The following C5 variants were observed in gnomAD, a reference collection of about 807,000 sequenced individuals.
The protein encoded by C5 is C3 and PZP-like alpha-2-macroglobulin domain-containing protein 4.
Under a neutral mutation model 218.8 loss-of-function variants are expected in C5, and 140 were observed. That is an observed-to-expected ratio of 0.64 (90% confidence interval 0.56 to 0.74). The LOEUF is 0.74. C5 is among the 30% of genes least tolerant of loss of function. C5 has a pLI of 0.00. For synonymous variants in C5, 614 were observed against 682.3 expected (o/e 0.90, Z 1.56); for missense variants, 1,700 against 1,969.6 (o/e 0.86, Z 2.59).
At chr9:120,996,783 G>A (rs2047119723) in intron 21 of C5, among the ~76,000 whole-genome samples, 1 of 152,232 alleles carries the variant, frequency 6.6e-6, no homozygotes, top group Non-Finnish European at 1.5e-5. Context: ...GTTTACTGAA[G>A]TGAATTTCAT....
intron 15 of C5, 37 bp downstream of exon 15, chr9:121,016,217 A>G: frequency 6.2e-7 from 1 of 1,613,028 alleles, no homozygotes; most frequent in Non-Finnish European, 8.5e-7. Context: ...CAAATGATCA[A>G]TGGGATTTTC....
chr9:120,971,372 T>G (rs972557246), intron 31 of C5, among the ~76,000 whole-genome samples: 16 of 151,736 alleles, frequency 1.1e-4, no homozygotes, highest in African/African-American at 3.9e-4. Flanking sequence ...TATATAATCA[T>G]AAAATTATAT....
chr9:121,032,735 C>T (rs2047487114), intron 5 of C5, among the ~76,000 whole-genome samples: 1 of 152,204 alleles, frequency 6.6e-6, no homozygotes. Flanking sequence ...TATAGTGGCT[C>T]ATGCCTATAA....
In C5 at chr9:120,961,480, A is replaced by G; in HGVS notation, c.4588+2T>C. On this transcript the variant is annotated splice_donor_variant, in intron 37 of 40. Coordinates refer to ENST00000223642, the MANE Select transcript of C5 (RefSeq NM_001735.3). LOFTEE classifies it high-confidence loss of function. ...AGCCTAAATATGTTAAATAAAGTTT[A>G]CCTTCTACACACTTGCACGCGGCTC... The G allele has an allele frequency of 6.3e-7, 1 of 1,596,442 alleles. No individual in the cohort carries two copies. The highest frequency in any genetic ancestry group is 8.6e-7 in the Non-Finnish European group (1 of 1,163,882).
intron 28 of C5, chr9:120,979,789 A>G (rs1049250628): frequency 1.4e-5 from 5 of 369,168 alleles, no homozygotes; most frequent in African/African-American, 2.1e-5. Context: ...TGAGGTGGGA[A>G]GATCACTTGA....
the C5 span, among the ~76,000 whole-genome samples, chr9:121,074,325 A>T: frequency 1.3e-5 from 2 of 152,222 alleles, no homozygotes; most frequent in Non-Finnish European, 2.9e-5. Flanking sequence ...CTCATGGGCA[A>T]GCCCCAGATG....
At chr9:121,056,079 G>A in the C5 span, among the ~76,000 whole-genome samples, 1 of 152,194 alleles carries the variant, frequency 6.6e-6, no homozygotes, top group African/African-American at 2.4e-5. Context: ...GTAACCACAG[G>A]CTTAGGCCAC....
At chr9:121,010,434 T>G (rs1007170933) in intron 17 of C5, among the ~76,000 whole-genome samples, 1 of 151,880 alleles carries the variant, frequency 6.6e-6, no homozygotes, top group South Asian at 2.1e-4. Flanking sequence ...ACCAAAGAAG[T>G]AAAAGATTTC....
In C5 at chr9:121,050,232, T is replaced by TCCCAAAAGG. The variant is rs762520731; in HGVS notation, c.6_14dup (p.Leu3_Gly5dup). The TCCCAAAAGG allele has an allele frequency of 1.9e-6, 3 of 1,613,854 alleles. No individual in the cohort carries two copies. The highest frequency in any genetic ancestry group is 2.7e-5 in the African/African-American group (2 of 75,050). ...CCAGGAAGATTAAAAAACAAAGTAT[T>TCCCAAAAGG]CCCAAAAGGCCCATGGTTGGAGGTA... On this transcript the variant is annotated inframe_insertion, in exon 1 of 41. Coordinates refer to ENST00000223642, the MANE Select transcript of C5 (RefSeq NM_001735.3).
the C5 span, among the ~76,000 whole-genome samples, chr9:121,073,266 A>G: frequency 3.2e-3 from 480 of 152,222 alleles, 1 homozygote; most frequent in Non-Finnish European, 5.8e-3. Context: ...CATTCAGCAC[A>G]TTGCCAAGCT....
chr9:121,050,043 T>C, intron 1 of C5, 139 bp downstream of exon 1: 1 of 753,082 alleles, frequency 1.3e-6, no homozygotes, highest in Non-Finnish European at 2.4e-6. Context: ...CATGACTTTC[T>C]CATTCAGAGA....
At chr9:120,969,235 T>C in intron 32 of C5, 117 bp from the exon 33 acceptor site, 1 of 821,634 alleles carries the variant, frequency 1.2e-6, no homozygotes, top group Non-Finnish European at 2.1e-6. Context: ...CACTTAAAAA[T>C]GATTTGTGAT....
At chr9:121,003,089 G>A (rs1045089750) in intron 20 of C5, among the ~76,000 whole-genome samples, 20 of 152,066 alleles carry the variant, frequency 1.3e-4, no homozygotes, top group African/African-American at 4.8e-4. Flanking sequence ...TCAGGAGTTC[G>A]AGACCAGCCT....
At chr9:120,973,466 C>T (rs538424170) in intron 30 of C5, among the ~76,000 whole-genome samples, 2 of 152,292 alleles carry the variant, frequency 1.3e-5, no homozygotes, top group South Asian at 4.2e-4. Flanking sequence ...AATGCACATG[C>T]ATACGTCCTG....
chr9:120,975,069 A>C, intron 29 of C5, 138 bp from the exon 30 acceptor site: 1 of 913,546 alleles, frequency 1.1e-6, no homozygotes, highest in African/African-American at 1.6e-5. Flanking sequence ...ACTGGTTAAG[A>C]GCCCCATTGT....
At chr9:121,052,426 T>G (rs4498620), upstream of C5, among the ~76,000 whole-genome samples, 11,830 of 140,290 alleles carry the variant, frequency 0.084, 682 homozygotes, top group Middle Eastern at 0.15. Context: ...CACTCCAGCC[T>G]GAGCAACAGA....
At chr9:121,005,844 G>T in intron 20 of C5, 75 bp downstream of exon 20, 1 of 1,458,994 alleles carries the variant, frequency 6.9e-7, no homozygotes, top group Non-Finnish European at 9.6e-7. Context: ...TTTTGTGTAT[G>T]GTAATTCCAC....
At chr9:121,043,202 A>C (rs1333497339) in intron 2 of C5, 36 bp from the exon 3 acceptor site, 1 of 1,526,168 alleles carries the variant, frequency 6.6e-7, no homozygotes, top group Non-Finnish European at 9.0e-7. Flanking sequence ...AAGTATAATA[A>C]TTCTAAAGTT....
intron 22 of C5, among the ~76,000 whole-genome samples, chr9:120,993,888 G>A (rs916282700): frequency 6.6e-6 from 1 of 152,172 alleles, no homozygotes; most frequent in Non-Finnish European, 1.5e-5. Context: ...TACACTTGGA[G>A]GAAGGGGAAT....
Sources: allele counts gnomAD v4.1 joint callset (sites outside exome capture counted in the v4.1 genomes callset), GRCh38; gene constraint gnomAD v4.1.1; transcripts MANE v1.5; gene names NCBI Gene and HGNC (gene_info 2026-07-23, HGNC 2026-07-21).